Variants in SAMD4A observed in about 807,000 individuals in gnomAD.
The protein encoded by SAMD4A is protein Smaug homolog 1.
A neutral mutation model predicts 81.3 loss-of-function variants in SAMD4A; 33 were observed. That is an observed-to-expected ratio of 0.41 (90% CI 0.31 to 0.54). SAMD4A has a LOEUF of 0.54. Ranked by LOEUF, SAMD4A falls within the 20% of genes least tolerant of loss-of-function variation. SAMD4A has a pLI of 0.37. For synonymous variants in SAMD4A, 389 were observed against 382.1 expected (o/e 1.02, Z -0.21); for missense variants, 854 against 951.1 (o/e 0.90, Z 1.34).
intron 2 of SAMD4A, among the ~76,000 whole-genome samples, chr14:54,594,450 A>C (rs1343170747): frequency 5.9e-5 from 9 of 152,168 alleles, no homozygotes; most frequent in Admixed American, 5.9e-4. Flanking sequence ...TAAAATTGCA[A>C]GTGTTAATTA....
At chr14:54,637,942 C>G (rs1025681649) in intron 2 of SAMD4A, among the ~76,000 whole-genome samples, 23 of 152,326 alleles carry the variant, frequency 1.5e-4, no homozygotes, top group South Asian at 1.0e-3. Context: ...TCCATAGCCT[C>G]TCTGCTAACA....
At chr14:54,743,054 A>G (rs560144160) in intron 4 of SAMD4A, among the ~76,000 whole-genome samples, 144 of 152,300 alleles carry the variant, frequency 9.5e-4, no homozygotes, top group Non-Finnish European at 8.4e-4. Context: ...AAAATTATGG[A>G]GAGGTGAGAT....
At chr14:54,650,873 T>C (rs1167327070) in intron 2 of SAMD4A, among the ~76,000 whole-genome samples, 3 of 152,232 alleles carry the variant, frequency 2.0e-5, no homozygotes, top group East Asian at 3.8e-4. Context: ...CGTTCTTTAC[T>C]TGCTTGACCT....
intron 3 of SAMD4A, among the ~76,000 whole-genome samples, chr14:54,712,865 G>T (rs1434894567): frequency 6.6e-6 from 1 of 152,138 alleles, no homozygotes; most frequent in Non-Finnish European, 1.5e-5. Context: ...GAAGACAGTT[G>T]TGTTCTCATT....
chr14:54,658,838 T>C (rs1443279308), intron 2 of SAMD4A, among the ~76,000 whole-genome samples: 1 of 152,228 alleles, frequency 6.6e-6, no homozygotes, highest in African/African-American at 2.4e-5. Flanking sequence ...GTATTACTAT[T>C]GTCACTCATT....
rs1197506759 is a variant in SAMD4A, at chr14:54,637,333, C to CCAG, written c.197-64727_197-64725dup. Among the ~76,000 whole-genome samples, 7 of 139,234 alleles carry CCAG rather than the reference C, an allele frequency of 5.0e-5. No individual in the cohort carries two copies. In the East Asian group the frequency reaches 1.5e-3, roughly 30 times the overall value. The allele number at this position is 139,234 out of a possible 152,430, so 91.3% of individuals were successfully genotyped here. A position where few individuals can be genotyped will look rare whatever the true frequency, so the allele number is the denominator to read the frequency against. ...TGAGCTGAGACTGCGTCATTGCACT[C>CCAG]CAGCCTGGGCAACAAGAGCGAAACT... On this transcript the variant is annotated intron_variant, in intron 2 of 12. Coordinates refer to ENST00000554335, the MANE Select transcript of SAMD4A (RefSeq NM_015589.6).
intron 2 of SAMD4A, among the ~76,000 whole-genome samples, chr14:54,621,381 G>A (rs149348029): frequency 2.4e-3 from 362 of 151,024 alleles, no homozygotes; most frequent in African/African-American, 5.5e-3. Flanking sequence ...ACAGGGTCTC[G>A]CTGTGTCCCC....
At chr14:54,628,929 C>G (rs911479949) in intron 2 of SAMD4A, among the ~76,000 whole-genome samples, 4 of 151,908 alleles carry the variant, frequency 2.6e-5, no homozygotes, top group African/African-American at 9.7e-5. Flanking sequence ...TTTTTAAACA[C>G]AAATATTGTT....
At chr14:54,738,183 T>C (rs1401260740) in intron 4 of SAMD4A, among the ~76,000 whole-genome samples, 2 of 152,218 alleles carry the variant, frequency 1.3e-5, no homozygotes, top group Non-Finnish European at 2.9e-5. Flanking sequence ...ACATCCTGTT[T>C]GCTGGCATTA....
chr14:54,778,571 A>G (rs1041669700), intron 11 of SAMD4A, among the ~76,000 whole-genome samples: 1 of 152,244 alleles, frequency 6.6e-6, no homozygotes, highest in African/African-American at 2.4e-5. Flanking sequence ...AAGTCTCTAA[A>G]TAATATGCTT....
chr14:54,714,180 A>G (rs889440072), intron 3 of SAMD4A, among the ~76,000 whole-genome samples: 2 of 152,202 alleles, frequency 1.3e-5, no homozygotes, highest in Non-Finnish European at 2.9e-5. Context: ...TCTTTCCTGC[A>G]TAAATCATAC....
chr14:54,779,445 T>C (rs1351523160), intron 11 of SAMD4A, among the ~76,000 whole-genome samples: 1 of 152,244 alleles, frequency 6.6e-6, no homozygotes, highest in Non-Finnish European at 1.5e-5. Context: ...AAGACTACAA[T>C]GCATTTGAAG....
intron 2 of SAMD4A, among the ~76,000 whole-genome samples, chr14:54,606,585 T>C (rs547679643): frequency 6.6e-6 from 1 of 152,316 alleles, no homozygotes; most frequent in Non-Finnish European, 1.5e-5. Context: ...TTGGTCTCCA[T>C]GTTCTAGAAA....
chr14:54,585,842 A>T (rs1184758724), intron 2 of SAMD4A, among the ~76,000 whole-genome samples: 1 of 152,182 alleles, frequency 6.6e-6, no homozygotes, highest in Non-Finnish European at 1.5e-5. Flanking sequence ...TCATTGATAG[A>T]TGAGCATTTG....
intron 2 of SAMD4A, among the ~76,000 whole-genome samples, chr14:54,621,151 GT>G (rs986091005): frequency 1.1e-3 from 171 of 152,250 alleles, no homozygotes; most frequent in African/African-American, 3.8e-3. Flanking sequence ...TAAGGCGAAG[GT>G]TTTGTGCATT....
chr14:54,614,106 T>A (rs1363496395), intron 2 of SAMD4A, among the ~76,000 whole-genome samples: 1 of 152,226 alleles, frequency 6.6e-6, no homozygotes, highest in Non-Finnish European at 1.5e-5. Flanking sequence ...CCTAACAGAT[T>A]GAATGCAGAA....
intron 3 of SAMD4A, among the ~76,000 whole-genome samples, chr14:54,711,743 G>C (rs947825419): frequency 4.6e-5 from 7 of 152,144 alleles, no homozygotes; most frequent in African/African-American, 1.7e-4. Context: ...AAGGATGGCT[G>C]CTAGGCCTCA....
chr14:54,787,557 G>A (rs2281653), intron 12 of SAMD4A, among the ~76,000 whole-genome samples: 63,310 of 152,062 alleles, frequency 0.42, 14,639 homozygotes, highest in East Asian at 0.59. Context: ...AAATAGAGAT[G>A]CTGCATCTGG....
chr14:54,588,997 G>GT (rs1337613716), intron 2 of SAMD4A, among the ~76,000 whole-genome samples: 2 of 152,118 alleles, frequency 1.3e-5, no homozygotes, highest in Admixed American at 6.5e-5. Flanking sequence ...TCTCAGAAGA[G>GT]TTTTAAGTTA....
Sources: gnomAD v4.1 joint callset for allele counts (sites outside exome capture counted in the v4.1 genomes callset) on GRCh38, gnomAD v4.1.1 for gene constraint, MANE v1.5 for transcripts, NCBI Gene and HGNC (gene_info 2026-07-23, HGNC 2026-07-21) for gene names.